The following USP53 variants were observed in gnomAD, a reference collection of about 807,000 sequenced individuals.
The protein encoded by USP53 is ubiquitin carboxyl-terminal hydrolase 53.
Under a neutral mutation model 94.9 loss-of-function variants are expected in USP53, and 71 were observed. The observed-to-expected ratio is 0.75, with a 90% CI of 0.62 to 0.91. USP53 has a LOEUF of 0.91. USP53 is among the 40% of genes least tolerant of loss of function. The pLI, the probability that USP53 is intolerant of heterozygous loss-of-function variation, is 0.00. For synonymous variants in USP53, 375 were observed against 422.7 expected (o/e 0.89, Z 1.39); for missense variants, 1,173 against 1,281.0 (o/e 0.92, Z 1.29).
intron 3 of USP53, among the ~76,000 whole-genome samples, chr4:119,230,371 C>T (rs1350991589): frequency 6.6e-6 from 1 of 152,304 alleles, no homozygotes. Flanking sequence ...TGTGGTCTGT[C>T]TTTGGAGAGT....
At chr4:119,284,976 A>C (rs1281527825) in intron 17 of USP53, among the ~76,000 whole-genome samples, 1 of 151,922 alleles carries the variant, frequency 6.6e-6, no homozygotes, top group Admixed American at 6.6e-5. Context: ...TACCTAGAGG[A>C]GAAAATGAAA....
Position 119,293,203 on chromosome 4 carries a change from C to T in USP53, c.3214C>T (p.Leu1072=). The T allele has an allele frequency of 6.3e-7, 1 of 1,595,538 alleles. No homozygotes were observed. Among genetic ancestry groups the T allele is most frequent in the South Asian group, 1.1e-5 (1 of 88,616 alleles). The change falls in exon 19 of 19, where the codon CTA becomes TTA. Residue 1072 remains leucine (L), a synonymous_variant. Coordinates refer to ENST00000692078, the MANE Select transcript of USP53 (RefSeq NM_001371395.1). ...PESSGFCNNS[L]S ...GAGCAGTGGCTTTTGTAATAATTCA[C>T]TATCTTAGAGTGAAAAAGGACTAGA...
chr4:119,270,645 A>G (rs910813903), intron 15 of USP53, among the ~76,000 whole-genome samples: 2 of 152,130 alleles, frequency 1.3e-5, no homozygotes, highest in Non-Finnish European at 2.9e-5. Context: ...TTCCATTTCC[A>G]CATTATAAGC....
chr4:119,278,640 GT>G (rs1753007062), intron 17 of USP53, among the ~76,000 whole-genome samples: 2 of 66,130 alleles, frequency 3.0e-5, no homozygotes, highest in African/African-American at 4.5e-5. Context: ...GAATCTGAAC[GT>G]TGGCCTGCCT....
At chr4:119,241,120 A>C (rs1003802774) in intron 5 of USP53, among the ~76,000 whole-genome samples, 11 of 152,144 alleles carry the variant, frequency 7.2e-5, no homozygotes, top group African/African-American at 2.4e-4. Context: ...TGTCCTTTTC[A>C]TTAGCACCCA....
intron 2 of USP53, among the ~76,000 whole-genome samples, chr4:119,214,905 C>T (rs1442115220): frequency 2.0e-5 from 3 of 152,294 alleles, no homozygotes; most frequent in East Asian, 3.9e-4. Context: ...GGGTACATTG[C>T]TTTACCCTAC....
chr4:119,247,709 C>T (rs899349781), intron 6 of USP53, among the ~76,000 whole-genome samples: 1 of 152,128 alleles, frequency 6.6e-6, no homozygotes, highest in Admixed American at 6.6e-5. Context: ...TATGTTGAAT[C>T]AATGAGTGAC....
intron 3 of USP53, among the ~76,000 whole-genome samples, chr4:119,225,668 C>T (rs1745139671): frequency 6.6e-6 from 1 of 151,858 alleles, no homozygotes; most frequent in African/African-American, 2.4e-5. Flanking sequence ...ATGGCGTGAA[C>T]CCGGGAGGTG....
chr4:119,295,003 G>A lies in USP53; in HGVS notation c.*1792G>A, dbSNP rs1262745490. ...AACATTGTAAGATACTAGAAAAATG[G>A]GCTTCAAGTTTTTTAATAGCTTTCA... On this transcript the variant is annotated 3_prime_UTR_variant, in exon 19 of 19. Coordinates refer to ENST00000692078, the MANE Select transcript of USP53 (RefSeq NM_001371395.1). The A allele has an allele frequency of 6.6e-6, 1 of 151,686 alleles. No individual in the cohort carries two copies. Among genetic ancestry groups the A allele is most frequent in the Non-Finnish European group, 1.5e-5 (1 of 67,886 alleles). The allele number at this position is 151,686 out of a possible 1,614,324, so 9.4% of individuals were successfully genotyped here. A position where few individuals can be genotyped will look rare whatever the true frequency, so the allele number is the denominator to read the frequency against.
chr4:119,259,177 A>C (rs142050301), intron 9 of USP53, among the ~76,000 whole-genome samples: 2,086 of 151,274 alleles, frequency 0.014, 16 homozygotes, highest in Admixed American at 0.02. Flanking sequence ...GCTCCTCAAG[A>C]GGCTGAGGCA....
At chr4:119,292,146 TAA>T (rs1372639629) in intron 18 of USP53, among the ~76,000 whole-genome samples, 190 bp from the exon 19 acceptor site, 1 of 152,132 alleles carries the variant, frequency 6.6e-6, no homozygotes, top group Admixed American at 6.6e-5. Flanking sequence ...TATTCTGACA[TAA>T]AGAGTTTGGA....
At chr4:119,286,354 C>A (rs1454367189) in intron 17 of USP53, among the ~76,000 whole-genome samples, 3 of 150,994 alleles carry the variant, frequency 2.0e-5, no homozygotes, top group Admixed American at 2.0e-4. Context: ...AAGTTTCTTG[C>A]CTTGATACTG....
intron 5 of USP53, among the ~76,000 whole-genome samples, chr4:119,242,248 G>A (rs571534689): frequency 9.9e-5 from 15 of 152,220 alleles, no homozygotes; most frequent in Middle Eastern, 3.4e-3. Context: ...TACCTTGTCA[G>A]GTTATGGATA....
intron 17 of USP53, among the ~76,000 whole-genome samples, chr4:119,286,453 G>T (rs762513741): frequency 6.6e-6 from 1 of 151,712 alleles, no homozygotes; most frequent in Non-Finnish European, 1.5e-5. Context: ...ACACATGGAT[G>T]TCTATGTCAG....
At chr4:119,269,157 A>G (rs763412122) in intron 14 of USP53, among the ~76,000 whole-genome samples, 26 of 152,136 alleles carry the variant, frequency 1.7e-4, no homozygotes, top group Non-Finnish European at 2.8e-4. Flanking sequence ...GATTATTGAT[A>G]CTCTTAGATT....
intron 2 of USP53, among the ~76,000 whole-genome samples, chr4:119,215,179 A>C (rs933286027): frequency 2.0e-5 from 3 of 152,120 alleles, no homozygotes. Flanking sequence ...TGTTTTAAGG[A>C]GGGAAGTATG....
At chr4:119,263,622 A>G (rs1750761222) in intron 12 of USP53, among the ~76,000 whole-genome samples, 2 of 152,202 alleles carry the variant, frequency 1.3e-5, no homozygotes, top group South Asian at 2.1e-4. Context: ...CAAAAATCAT[A>G]CAAGGTTAGT....
At chr4:119,290,827 G>GT (rs1754665953) in intron 17 of USP53, among the ~76,000 whole-genome samples, 1 of 152,106 alleles carries the variant, frequency 6.6e-6, no homozygotes, top group Admixed American at 6.5e-5. Flanking sequence ...CAAATGCAGG[G>GT]TTTTTTTCAC....
intron 13 of USP53, among the ~76,000 whole-genome samples, chr4:119,267,942 T>C (rs904133573): frequency 6.8e-6 from 1 of 147,920 alleles, no homozygotes; most frequent in African/African-American, 2.5e-5. Flanking sequence ...CCGAGGCGGG[T>C]GGATCATGAG....
Sources: gnomAD v4.1 joint callset for allele counts (sites outside exome capture counted in the v4.1 genomes callset) on GRCh38, gnomAD v4.1.1 for gene constraint, MANE v1.5 for transcripts, NCBI Gene and HGNC (gene_info 2026-07-23, HGNC 2026-07-21) for gene names.